Variants in PDE4D observed in about 807,000 individuals in gnomAD.
PDE4D encodes phosphodiesterase 4D.
In PDE4D, 24 loss-of-function variants were observed where a neutral mutation model predicts 87.4. The observed-to-expected ratio is 0.27, with a 90% CI of 0.20 to 0.39. The LOEUF (loss-of-function observed/expected upper bound fraction) is 0.39. PDE4D is among the 10% of genes least tolerant of loss of function. The pLI, the probability that PDE4D is intolerant of heterozygous loss-of-function variation, is 1.00. For synonymous variants in PDE4D, 384 were observed against 383.2 expected (o/e 1.00, Z -0.02); for missense variants, 714 against 1,041.0 (o/e 0.69, Z 4.32).
chr5:59,881,521 A>G (rs2152746129), intron 1 of PDE4D, among the ~76,000 whole-genome samples: 1 of 152,284 alleles, frequency 6.6e-6, no homozygotes, highest in South Asian at 2.1e-4. Flanking sequence ...AATAAATTGT[A>G]TAGTTATTTT....
At chr5:59,592,676 C>G (rs979803188) in intron 1 of PDE4D, among the ~76,000 whole-genome samples, 1 of 151,502 alleles carries the variant, frequency 6.6e-6, no homozygotes, top group Non-Finnish European at 1.5e-5. Flanking sequence ...TTAAATTTTA[C>G]TTTTAATTTT....
chr5:59,419,374 A>C (rs1027793174), intron 1 of PDE4D, among the ~76,000 whole-genome samples: 1 of 152,192 alleles, frequency 6.6e-6, no homozygotes, highest in South Asian at 2.1e-4. Context: ...ATCAGTTCCT[A>C]TTCAGTAAAT....
At chr5:60,027,898 A>AC (rs1766804113) in intron 2 of PDE4D, among the ~76,000 whole-genome samples, 4 of 152,216 alleles carry the variant, frequency 2.6e-5, no homozygotes, top group Admixed American at 6.5e-5. Context: ...ACTTGAGTTA[A>AC]AACTTTCGTG....
intron 6 of PDE4D, among the ~76,000 whole-genome samples, chr5:59,021,446 C>T (rs1324178960): frequency 6.6e-6 from 1 of 152,146 alleles, no homozygotes; most frequent in African/African-American, 2.4e-5. Flanking sequence ...ATTCAAGCTC[C>T]AATTGCACTG....
At chr5:59,720,603 G>C (rs547897113) in intron 1 of PDE4D, among the ~76,000 whole-genome samples, 5 of 152,130 alleles carry the variant, frequency 3.3e-5, no homozygotes, top group Non-Finnish European at 5.9e-5. Flanking sequence ...GAGAATAAGA[G>C]AGCATGAAAC....
At chr5:60,074,653 T>G (rs1458111530) in intron 2 of PDE4D, among the ~76,000 whole-genome samples, 1 of 152,208 alleles carries the variant, frequency 6.6e-6, no homozygotes, top group Non-Finnish European at 1.5e-5. Context: ...TCTTTGAAGA[T>G]CTCTAAAAAC....
chr5:59,935,867 T>C (rs185825737), intron 3 of PDE4D, among the ~76,000 whole-genome samples: 1 of 152,316 alleles, frequency 6.6e-6, no homozygotes, highest in East Asian at 1.9e-4. Context: ...TGGTGGACAT[T>C]TGGGTTGGTT....
intron 1 of PDE4D, among the ~76,000 whole-genome samples, chr5:59,249,268 C>T (rs116476930): frequency 0.016 from 2,480 of 152,088 alleles, 66 homozygotes; most frequent in African/African-American, 0.056. Flanking sequence ...ACTGAAATAC[C>T]ACTTTAACCT....
At chr5:59,070,018 A>G (rs1372110323) in intron 5 of PDE4D, among the ~76,000 whole-genome samples, 1 of 152,164 alleles carries the variant, frequency 6.6e-6, no homozygotes, top group Non-Finnish European at 1.5e-5. Context: ...CAGAAGTACT[A>G]AGTCAGAAGG....
chr5:59,270,150 T>A (rs1763552378), intron 1 of PDE4D, among the ~76,000 whole-genome samples: 1 of 152,176 alleles, frequency 6.6e-6, no homozygotes, highest in Non-Finnish European at 1.5e-5. Flanking sequence ...GCTGTATATC[T>A]TTAAGTATAT....
intron 1 of PDE4D, among the ~76,000 whole-genome samples, chr5:59,771,351 A>G (rs1189273504): frequency 6.7e-6 from 1 of 150,308 alleles, no homozygotes; most frequent in Non-Finnish European, 1.5e-5. Flanking sequence ...TTAGTGACCA[A>G]GTAAAGGAAG....
chr5:59,668,781 GAAGAAGAAGAAAGAAGAAGAAGA>G (rs2150317132), intron 1 of PDE4D, among the ~76,000 whole-genome samples: 1 of 143,990 alleles, frequency 6.9e-6, no homozygotes, highest in African/African-American at 2.6e-5. Flanking sequence ...GAAGAAAGAA[GAAGAAGAAGAAAGAAGAAGAAGA>G]AAGAAGAAGA....
intron 1 of PDE4D, among the ~76,000 whole-genome samples, chr5:60,471,815 A>G (rs1747835631): frequency 6.6e-6 from 1 of 152,214 alleles, no homozygotes; most frequent in South Asian, 2.1e-4. Flanking sequence ...TGGGAAACCA[A>G]AATGTTTGCA....
chr5:59,513,191 G>T (rs559774154), intron 1 of PDE4D, among the ~76,000 whole-genome samples: 1 of 152,028 alleles, frequency 6.6e-6, no homozygotes, highest in South Asian at 2.1e-4. Context: ...TTTTTTCTTA[G>T]AAGGATTTAA....
intron 1 of PDE4D, among the ~76,000 whole-genome samples, chr5:60,360,906 T>C (rs1035800899): frequency 6.6e-6 from 1 of 152,246 alleles, no homozygotes; most frequent in African/African-American, 2.4e-5. Flanking sequence ...CAGTGTTTAC[T>C]TGAATTATTA....
intron 1 of PDE4D, among the ~76,000 whole-genome samples, chr5:59,839,705 C>T (rs1742687510): frequency 6.6e-6 from 1 of 152,006 alleles, no homozygotes; most frequent in South Asian, 2.1e-4. Flanking sequence ...TCCACCTACT[C>T]TCTCTCTTTG....
chr5:59,039,084 G>A lies in PDE4D; in HGVS notation c.809-113C>T, dbSNP rs990181586. The stretch of plus-strand genomic sequence containing the variant: ...CCGCCATGCTCGGATGCCCGGTGCC[G>A]GCACATGAGGGCTGCTCCTTCATAT... On this transcript the variant is annotated intron_variant, in intron 5 of 14. Coordinates refer to ENST00000340635, the MANE Select transcript of PDE4D (RefSeq NM_001104631.2). The A allele has an allele frequency of 4.8e-6, 7 of 1,470,972 alleles. No homozygotes were observed. Among genetic ancestry groups the A allele is most frequent in the Admixed American group, 4.6e-5 (2 of 43,014 alleles). 91.1% of individuals were successfully genotyped at this position (1,470,972 alleles called of 1,614,324 possible). A position where few individuals can be genotyped will look rare whatever the true frequency, so the allele number is the denominator to read the frequency against.
chr5:60,227,554 AGAAGGGAGG>A (rs1285535762), intron 1 of PDE4D, among the ~76,000 whole-genome samples: 1 of 135,802 alleles, frequency 7.4e-6, no homozygotes, highest in Non-Finnish European at 1.6e-5. Context: ...GAGGAAGGGT[AGAAGGGAGG>A]GAAGGGAGGA....
intron 1 of PDE4D, among the ~76,000 whole-genome samples, chr5:60,300,206 G>A (rs1753770621): frequency 6.6e-6 from 1 of 152,134 alleles, no homozygotes; most frequent in Non-Finnish European, 1.5e-5. Flanking sequence ...CTTTTGCAAA[G>A]TGTCTGTTCA....
Sources: gnomAD v4.1 joint callset for allele counts (sites outside exome capture counted in the v4.1 genomes callset) on GRCh38, gnomAD v4.1.1 for gene constraint, MANE v1.5 for transcripts, NCBI Gene and HGNC (gene_info 2026-07-23, HGNC 2026-07-21) for gene names.